KMT2E: variants seen among roughly 807,000 people sequenced by gnomAD.
The protein encoded by KMT2E is histone reader KMT2E.
KMT2E carries 30 observed loss-of-function variants against 184.6 expected under a neutral mutation model. That is an observed-to-expected ratio of 0.16 (90% CI 0.12 to 0.22). The LOEUF (loss-of-function observed/expected upper bound fraction) is 0.22. Ranked by LOEUF, KMT2E falls within the 10% of genes least tolerant of loss-of-function variation. The pLI, the probability that KMT2E is intolerant of heterozygous loss-of-function variation, is 1.00. For synonymous variants in KMT2E, 815 were observed against 776.5 expected (o/e 1.05, Z -0.82); for missense variants, 2,023 against 2,237.4 (o/e 0.90, Z 1.93).
chr7:105,106,073 A>G (rs1041148658), intron 19 of KMT2E, 70 bp downstream of exon 19: 5 of 1,393,870 alleles, frequency 3.6e-6, no homozygotes, highest in Non-Finnish European at 4.9e-6. Context: ...TATAACAGGC[A>G]TATTTCTAGT....
rs538727182 is a variant in KMT2E, at chr7:105,084,588, C to T, written c.1358+2791C>T. ...GTTGCAGTGAGCCAAGATCGGACCA[C>T]TGCACTCCAGCCTGAGTGACAGAGC... On this transcript the variant is annotated intron_variant, in intron 13 of 26. Coordinates refer to ENST00000311117, the MANE Select transcript of KMT2E (RefSeq NM_182931.3). Among the ~76,000 whole-genome samples, 4 of 151,664 alleles carry T rather than the reference C, an allele frequency of 2.6e-5. No individual in the cohort carries two copies. In the East Asian group the frequency reaches 5.8e-4, roughly 22 times the overall value.
At chr7:105,094,037 G>C (rs927713382) in intron 15 of KMT2E, among the ~76,000 whole-genome samples, 1 of 152,142 alleles carries the variant, frequency 6.6e-6, no homozygotes, top group Non-Finnish European at 1.5e-5. Flanking sequence ...CTTCTAATTA[G>C]TTCATTTGCT....
At chr7:105,106,073 A>T (rs1041148658) in intron 19 of KMT2E, 70 bp downstream of exon 19, 69 of 1,393,870 alleles carry the variant, frequency 5.0e-5, no homozygotes, top group Non-Finnish European at 6.5e-5. Flanking sequence ...TATAACAGGC[A>T]TATTTCTAGT....
At chr7:105,097,156 A>G (rs558256415) in intron 15 of KMT2E, among the ~76,000 whole-genome samples, 2 of 152,318 alleles carry the variant, frequency 1.3e-5, no homozygotes, top group South Asian at 4.1e-4. Context: ...CATTTAGAAA[A>G]TCACTTTAGA....
At chr7:105,101,736 A>G in intron 16 of KMT2E, 147 bp downstream of exon 16, 1 of 933,758 alleles carries the variant, frequency 1.1e-6, no homozygotes, top group South Asian at 2.2e-5. Flanking sequence ...TCAGCTTGAG[A>G]TAAAAGACTA....
chr7:105,057,236 T>C (rs1344036878), intron 3 of KMT2E, among the ~76,000 whole-genome samples: 2 of 152,226 alleles, frequency 1.3e-5, no homozygotes, highest in African/African-American at 2.4e-5. Context: ...GATAGACTAC[T>C]ATTCTTGCTG....
chr7:105,076,676 G>T lies in KMT2E; in HGVS notation c.769-287G>T, dbSNP rs2108266. On this transcript the variant is annotated intron_variant, in intron 9 of 26. Transcript: ENST00000311117. ...GGGTCACAGAGGTCAGCTGTATGCT[G>T]TTACTATAGTTTTCTGGCTTAGGTA... 6.7e-3 allele frequency among the ~76,000 whole-genome samples: 1,017 copies of T among 152,272 alleles called. 15 individuals carry two copies. Among genetic ancestry groups the T allele is most frequent in the African/African-American group, 0.023 (964 of 41,552 alleles).
In KMT2E at chr7:105,014,450, G is replaced by A. The variant is rs1407979646; in HGVS notation, c.-274G>A. 1 of 153,752 alleles carries A rather than the reference G, an allele frequency of 6.5e-6. No individual in the cohort carries two copies. The highest frequency in any genetic ancestry group is 2.4e-5 in the African/African-American group (1 of 41,434). The allele number at this position is 153,752 out of a possible 1,614,324, so 9.5% of individuals were successfully genotyped here. On this transcript the variant is annotated 5_prime_UTR_variant, in exon 1 of 27. Transcript: ENST00000311117. ...GTGTCCGCAGTGGCTGCTGTCGGGGGGTCGCCTGTTCGCGGAGGTGCGGAG... is the reference window on the plus strand; with the variant it reads ...GTGTCCGCAGTGGCTGCTGTCGGGGAGTCGCCTGTTCGCGGAGGTGCGGAG...
chr7:105,098,677 A>G (rs2129569323), intron 15 of KMT2E, among the ~76,000 whole-genome samples: 1 of 152,280 alleles, frequency 6.6e-6, no homozygotes, highest in South Asian at 2.1e-4. Context: ...CTGGGATTAC[A>G]GGCATAATAA....
rs751190982 is a variant in KMT2E, at chr7:105,113,244, G to C, written c.5488G>C (p.Ala1830Pro). The C allele has an allele frequency of 2.5e-6, 4 of 1,614,208 alleles. No individual in the cohort carries two copies. Among genetic ancestry groups the C allele is most frequent in the Non-Finnish European group, 3.4e-6 (4 of 1,180,032 alleles). Residue 1830 changes from alanine (A) to proline (P), a missense_variant, in exon 27 of 27, where the codon GCA becomes CCA. Physicochemically the swap from Ala to Pro is conservative, Grantham distance 27. Coordinates refer to ENST00000311117, the MANE Select transcript of KMT2E (RefSeq NM_182931.3). ...ACATGGGGTTCAAGGACCTCAGCAG[G>C]CATCTCCAGTGCCTGGACAGATTCC... ...LPHGVQGPQQ[A>P]SPVPGQIPIH...
chr7:105,048,718 G>T (rs1796208962), intron 3 of KMT2E, among the ~76,000 whole-genome samples: 1 of 152,218 alleles, frequency 6.6e-6, no homozygotes, highest in Non-Finnish European at 1.5e-5. Flanking sequence ...TATGGTTTCT[G>T]TTGTAACTAC....
At chr7:105,062,829 TAAC>T (rs1796874771) in intron 4 of KMT2E, among the ~76,000 whole-genome samples, 2 of 151,924 alleles carry the variant, frequency 1.3e-5, no homozygotes, top group African/African-American at 4.8e-5. Context: ...CGTAATTACA[TAAC>T]AACACATTTA....
chr7:105,105,217 A>G (rs2129569744), intron 17 of KMT2E: 1 of 403,636 alleles, frequency 2.5e-6, no homozygotes, highest in Non-Finnish European at 4.3e-6. Flanking sequence ...AAAAGCAACC[A>G]TATGTTTTGT....
chr7:105,101,242 A>G (rs1379889019), intron 15 of KMT2E, among the ~76,000 whole-genome samples, 183 bp from the exon 16 acceptor site: 1 of 152,158 alleles, frequency 6.6e-6, no homozygotes, highest in Non-Finnish European at 1.5e-5. Context: ...TACCAAGATG[A>G]TGGGAATTCT....
chr7:105,095,865 C>A (rs1798388756), intron 15 of KMT2E, among the ~76,000 whole-genome samples: 1 of 152,092 alleles, frequency 6.6e-6, no homozygotes, highest in South Asian at 2.1e-4. Context: ...CTCATATAAA[C>A]AGTACATGTG....
chr7:105,076,017 T>G, intron 8 of KMT2E, 26 bp from the exon 9 acceptor site: 1 of 1,559,192 alleles, frequency 6.4e-7, no homozygotes, highest in Non-Finnish European at 8.8e-7. Flanking sequence ...TTTAGGAAAC[T>G]AACTAGAATT....
intron 3 of KMT2E, among the ~76,000 whole-genome samples, chr7:105,050,729 C>T (rs912212545): frequency 1.4e-5 from 2 of 144,394 alleles, no homozygotes; most frequent in Non-Finnish European, 3.0e-5. Flanking sequence ...GTCTGTCTGT[C>T]TTTCTGTCTT....
chr7:105,030,272 AT>A (rs1356418813), intron 1 of KMT2E, among the ~76,000 whole-genome samples: 1 of 152,206 alleles, frequency 6.6e-6, no homozygotes, highest in Non-Finnish European at 1.5e-5. Flanking sequence ...TAGGAGGTTG[AT>A]TTGCCAGATA....
chr7:105,029,736 G>A (rs1013358098), intron 1 of KMT2E, among the ~76,000 whole-genome samples: 1 of 152,146 alleles, frequency 6.6e-6, no homozygotes, highest in Non-Finnish European at 1.5e-5. Flanking sequence ...CACTTTGAAG[G>A]CTTGATTTTT....
Sources: allele counts gnomAD v4.1 joint callset (sites outside exome capture counted in the v4.1 genomes callset), GRCh38; gene constraint gnomAD v4.1.1; transcripts MANE v1.5; gene names NCBI Gene and HGNC (gene_info 2026-07-23, HGNC 2026-07-21).